MBOAT1: variants seen among roughly 807,000 people sequenced by gnomAD.
MBOAT1 encodes membrane bound glycerophospholipid O-acyltransferase 1.
In MBOAT1, 67 loss-of-function variants were observed where a neutral mutation model predicts 64.4. The ratio of observed to expected loss-of-function variants is 1.04; its 90% CI spans 0.85 to 1.27. MBOAT1 has a LOEUF of 1.27. MBOAT1 is among the 50% of genes most tolerant of loss of function. The probability of loss-of-function intolerance (pLI) is 0.00; values close to 1 mark genes in which losing one functional copy is unlikely to be tolerated. For missense variants in MBOAT1, 563 were observed against 604.6 expected, an observed-to-expected ratio of 0.93 and a Z score of 0.72; for synonymous variants, 229 against 218.9, an observed-to-expected ratio of 1.05 and a Z score of -0.41.
At chr6:20,178,991 A>G (rs1207261417) in intron 1 of MBOAT1, among the ~76,000 whole-genome samples, 1 of 152,152 alleles carries the variant, frequency 6.6e-6, no homozygotes, top group Non-Finnish European at 1.5e-5. Flanking sequence ...CAGGTTTGTT[A>G]CATAGGCAAA....
chr6:20,110,381 T>C (rs1760103649), intron 11 of MBOAT1, among the ~76,000 whole-genome samples: 1 of 151,712 alleles, frequency 6.6e-6, no homozygotes, highest in Non-Finnish European at 1.5e-5. Context: ...CCCAGCTAAG[T>C]TTTAAAAAAT....
chr6:20,189,564 G>C (rs1762746246), intron 1 of MBOAT1, among the ~76,000 whole-genome samples: 1 of 152,056 alleles, frequency 6.6e-6, no homozygotes, highest in Admixed American at 6.6e-5. Flanking sequence ...CTATACTCAG[G>C]TAGCAATTTT....
chr6:20,169,285 G>C (rs1053916964), intron 1 of MBOAT1, among the ~76,000 whole-genome samples: 1 of 152,126 alleles, frequency 6.6e-6, no homozygotes, highest in East Asian at 1.9e-4. Flanking sequence ...GTTCTCAAAA[G>C]TCTCAAAACA....
At chr6:20,131,326 A>G in intron 4 of MBOAT1, 127 bp from the exon 5 acceptor site, 1 of 759,758 alleles carries the variant, frequency 1.3e-6, no homozygotes, top group Non-Finnish European at 2.3e-6. Context: ...GGAGGGACCA[A>G]ATGGGAGGTA....
intron 1 of MBOAT1, among the ~76,000 whole-genome samples, chr6:20,206,517 C>G (rs1413632266): frequency 6.6e-6 from 1 of 152,164 alleles, no homozygotes; most frequent in Non-Finnish European, 1.5e-5. Context: ...GGAAAGCTTT[C>G]CTCCCTCCAG....
intron 8 of MBOAT1, among the ~76,000 whole-genome samples, chr6:20,121,566 T>G (rs1236108518): frequency 6.6e-6 from 1 of 152,190 alleles, no homozygotes; most frequent in Non-Finnish European, 1.5e-5. Context: ...GGTAGAAAAG[T>G]GCAGGTGCTC....
intron 1 of MBOAT1, among the ~76,000 whole-genome samples, chr6:20,155,912 C>T (rs535804263): frequency 2.0e-5 from 3 of 152,158 alleles, no homozygotes; most frequent in Non-Finnish European, 4.4e-5. Flanking sequence ...TTTGGTGGAG[C>T]CCAAAGTGCT....
At chr6:20,176,770 C>G (rs1255058972) in intron 1 of MBOAT1, among the ~76,000 whole-genome samples, 4 of 152,084 alleles carry the variant, frequency 2.6e-5, no homozygotes, top group Non-Finnish European at 2.9e-5. Flanking sequence ...ATTACAAGCA[C>G]GTGCCACCAC....
At chr6:20,125,139 T>C (rs1489225259) in intron 7 of MBOAT1, among the ~76,000 whole-genome samples, 1 of 152,202 alleles carries the variant, frequency 6.6e-6, no homozygotes, top group East Asian at 1.9e-4. Context: ...TATAGTCTAC[T>C]CTGGGGTTAA....
At position 20,126,929 on chromosome 6, in the gene MBOAT1, G is replaced by A. The variant is rs192888514; in HGVS notation, c.531-229C>T. Among the ~76,000 whole-genome samples, 186 of 152,294 alleles carry A rather than the reference G, an allele frequency of 1.2e-3. 1 individual carries two copies. The highest frequency in any genetic ancestry group is 1.5e-3 in the Non-Finnish European group (105 of 68,016). The stretch of plus-strand genomic sequence containing the variant: ...GCTCCATGCTGCCCTCTGCTGGCCA[G>A]ACACAGCCGTAGGCACTCAGAGCTG... On this transcript the variant is annotated intron_variant, in intron 6 of 12. Coordinates refer to ENST00000324607, the MANE Select transcript of MBOAT1 (RefSeq NM_001080480.3).
At chr6:20,195,634 T>TGTGC (rs1554122564) in intron 1 of MBOAT1, among the ~76,000 whole-genome samples, 7 of 151,400 alleles carry the variant, frequency 4.6e-5, no homozygotes, top group Admixed American at 1.3e-4. Context: ...TGTGTGTGTG[T>TGTGC]GCATGTGCAC....
At chr6:20,139,000 A>G (rs1761086468) in intron 4 of MBOAT1, among the ~76,000 whole-genome samples, 1 of 152,072 alleles carries the variant, frequency 6.6e-6, no homozygotes, top group Non-Finnish European at 1.5e-5. Flanking sequence ...CCATCTTGAC[A>G]TGGCCGTCTT....
intron 4 of MBOAT1, among the ~76,000 whole-genome samples, chr6:20,137,365 G>A (rs990939323): frequency 2.6e-5 from 4 of 152,128 alleles, no homozygotes; most frequent in Non-Finnish European, 5.9e-5. Flanking sequence ...AAGAAAACTC[G>A]ATTTGCACCC....
chr6:20,156,919 A>G lies in MBOAT1; in HGVS notation c.100-4150T>C, dbSNP rs138670307. On this transcript the variant is annotated intron_variant, in intron 1 of 12. Transcript: ENST00000324607. ...CTTCTGCACAGCAAAAGAAACTACC[A>G]TCGGGGTTAACAGGCAACCTACAGA... Among the ~76,000 whole-genome samples, 226 of 152,300 alleles carry G rather than the reference A, an allele frequency of 1.5e-3. 1 individual carries two copies. The highest frequency in any genetic ancestry group is 0.014 in the South Asian group (66 of 4,832).
At chr6:20,111,482 C>T (rs757365348) in intron 11 of MBOAT1, among the ~76,000 whole-genome samples, 5 of 152,086 alleles carry the variant, frequency 3.3e-5, no homozygotes, top group African/African-American at 4.8e-5. Context: ...CCTCTCTATC[C>T]GCTACCTAAT....
At chr6:20,208,308 T>C (rs986297094) in intron 1 of MBOAT1, among the ~76,000 whole-genome samples, 11 of 151,720 alleles carry the variant, frequency 7.3e-5, no homozygotes, top group African/African-American at 2.7e-4. Context: ...TAGCCGGGTA[T>C]GGTGGCGCGC....
chr6:20,170,849 C>T (rs1003491185), intron 1 of MBOAT1, among the ~76,000 whole-genome samples: 1 of 152,100 alleles, frequency 6.6e-6, no homozygotes, highest in East Asian at 1.9e-4. Context: ...TCCTTTTTAC[C>T]AATGCATCCA....
rs141635587 is a variant in MBOAT1 at position 20,101,834 on chromosome 6, G to A, written c.*452C>T. Among the ~76,000 whole-genome samples the A allele has an allele frequency of 2.0e-5, 3 of 152,160 alleles. No homozygotes were observed. In the East Asian group the frequency reaches 5.8e-4, roughly 29 times the overall value. The stretch of plus-strand genomic sequence containing the variant: ...AAAAAGGCTTTATAAAAATACTCCC[G>A]GCCGGGCGCGGTGGCTCACGCCTGT... On this transcript the variant is annotated 3_prime_UTR_variant, in exon 13 of 13. Transcript: ENST00000324607.
chr6:20,144,505 A>G (rs1242576215), intron 3 of MBOAT1, among the ~76,000 whole-genome samples, 190 bp from the exon 4 acceptor site: 1 of 152,112 alleles, frequency 6.6e-6, no homozygotes, highest in Non-Finnish European at 1.5e-5. Context: ...CACCTGGACC[A>G]CTACATTGGC....
Sources: allele counts gnomAD v4.1 joint callset (sites outside exome capture counted in the v4.1 genomes callset), GRCh38; gene constraint gnomAD v4.1.1; transcripts MANE v1.5; gene names NCBI Gene and HGNC (gene_info 2026-07-23, HGNC 2026-07-21).